The following MAGI2 variants were observed in gnomAD, a reference collection of about 807,000 sequenced individuals.
MAGI2 encodes membrane-associated guanylate kinase, WW and PDZ domain-containing protein 2.
Under a neutral mutation model 133.3 loss-of-function variants are expected in MAGI2, and 35 were observed. That is an observed-to-expected ratio of 0.26 (90% confidence interval 0.20 to 0.35). MAGI2 has a LOEUF of 0.35. MAGI2 is among the 10% of genes least tolerant of loss of function. The pLI is 1.00. For synonymous variants in MAGI2, 729 were observed against 710.6 expected, an observed-to-expected ratio of 1.03 and a Z score of -0.41; for missense variants, 1,636 against 1,863.4, an observed-to-expected ratio of 0.88 and a Z score of 2.25.
chr7:78,385,463 AT>A (rs1302564282), intron 6 of MAGI2, among the ~76,000 whole-genome samples: 1 of 152,192 alleles, frequency 6.6e-6, no homozygotes, highest in African/African-American at 2.4e-5. Context: ...ACATGAAAGG[AT>A]GACTATTTAG....
At chr7:78,476,832 C>T (rs538361658) in intron 6 of MAGI2, among the ~76,000 whole-genome samples, 2 of 151,596 alleles carry the variant, frequency 1.3e-5, no homozygotes, top group Admixed American at 6.6e-5. Context: ...GGTTAGGTCA[C>T]AATTATGCAC....
At chr7:78,202,543 T>C (rs1829344874) in intron 10 of MAGI2, among the ~76,000 whole-genome samples, 1 of 151,212 alleles carries the variant, frequency 6.6e-6, no homozygotes, top group Non-Finnish European at 1.5e-5. Context: ...ATTAGCCAGG[T>C]GTGGAGGCAT....
At chr7:78,894,611 T>C (rs1301658248) in intron 2 of MAGI2, among the ~76,000 whole-genome samples, 1 of 152,142 alleles carries the variant, frequency 6.6e-6, no homozygotes, top group Admixed American at 6.5e-5. Context: ...ATCATACTAA[T>C]GCAAATTTTT....
chr7:78,350,167 G>A (rs1791356588), intron 7 of MAGI2: 1 of 152,196 alleles, frequency 6.6e-6, no homozygotes, highest in African/African-American at 2.4e-5. Context: ...CAAATTAAAA[G>A]TGGCAAAGGA....
intron 6 of MAGI2, among the ~76,000 whole-genome samples, chr7:78,475,977 T>C (rs1332737017): frequency 6.6e-6 from 1 of 151,898 alleles, no homozygotes; most frequent in Non-Finnish European, 1.5e-5. Flanking sequence ...CCTCACATCA[T>C]TGTTAAACTC....
At position 78,030,921 on chromosome 7, in the gene MAGI2, G is replaced by A. The variant is rs185058455; in HGVS notation, c.3707-10945C>T. On this transcript the variant is annotated intron_variant, in intron 21 of 21. Coordinates refer to ENST00000354212, the MANE Select transcript of MAGI2 (RefSeq NM_012301.4). ...TGTGTTCACACAAAAACCTGTATGC[G>A]GATTTCTATGGTGACTTTATTCATA... is the stretch of plus-strand genomic sequence containing the variant. 2.5e-4 allele frequency among the ~76,000 whole-genome samples: 38 copies of A among 152,276 alleles called. 1 individual carries two copies. The highest frequency in any genetic ancestry group is 3.4e-3 in the Middle Eastern group (1 of 294).
chr7:79,309,856 C>T (rs1013461281), intron 1 of MAGI2, among the ~76,000 whole-genome samples: 6 of 150,732 alleles, frequency 4.0e-5, no homozygotes, highest in African/African-American at 7.3e-5. Flanking sequence ...TCAGGTCAGG[C>T]GCAGTGGCTC....
At chr7:78,996,535 A>G (rs1404123977) in intron 2 of MAGI2, among the ~76,000 whole-genome samples, 1 of 152,132 alleles carries the variant, frequency 6.6e-6, no homozygotes, top group Non-Finnish European at 1.5e-5. Flanking sequence ...GAGGGAGAGG[A>G]TCAGGAAAAG....
chr7:79,403,383 A>G (rs534517657), intron 1 of MAGI2, among the ~76,000 whole-genome samples: 2 of 152,268 alleles, frequency 1.3e-5, no homozygotes, highest in South Asian at 2.1e-4. Context: ...ATTTTCATAT[A>G]TAACATGTAA....
chr7:78,182,030 T>A (rs1050999757), intron 13 of MAGI2, among the ~76,000 whole-genome samples: 1 of 152,220 alleles, frequency 6.6e-6, no homozygotes, highest in Admixed American at 6.5e-5. Flanking sequence ...TATGGGATGC[T>A]GCTGTAAACA....
intron 2 of MAGI2, among the ~76,000 whole-genome samples, chr7:78,818,270 T>C (rs1789783083): frequency 6.6e-6 from 1 of 152,170 alleles, no homozygotes; most frequent in East Asian, 1.9e-4. Context: ...TTTGAAATTT[T>C]GTTTTAGAGA....
At chr7:79,317,426 A>G (rs1450958988) in intron 1 of MAGI2, among the ~76,000 whole-genome samples, 1 of 152,050 alleles carries the variant, frequency 6.6e-6, no homozygotes, top group African/African-American at 2.4e-5. Flanking sequence ...TGACTGTCCA[A>G]TAGAATACAC....
chr7:79,020,778 A>AAAAG (rs1554334522), intron 1 of MAGI2, among the ~76,000 whole-genome samples: 1 of 150,660 alleles, frequency 6.6e-6, no homozygotes, highest in Non-Finnish European at 1.5e-5. Flanking sequence ...AAAAAAAAAA[A>AAAAG]GGAAAGAAAA....
At chr7:78,876,414 A>G (rs1795430451) in intron 2 of MAGI2, among the ~76,000 whole-genome samples, 1 of 152,084 alleles carries the variant, frequency 6.6e-6, no homozygotes, top group South Asian at 2.1e-4. Flanking sequence ...GGTAGAAGAA[A>G]GACAAAATAA....
At chr7:78,088,582 C>T (rs934629969) in intron 20 of MAGI2, among the ~76,000 whole-genome samples, 4 of 152,164 alleles carry the variant, frequency 2.6e-5, no homozygotes, top group African/African-American at 9.7e-5. Flanking sequence ...GCTGTTACCA[C>T]CTCTAGTCTG....
In MAGI2 at chr7:78,159,777, TG is replaced by T. The variant is rs1824784377; in HGVS notation, c.2845+247del. 1.2e-5 allele frequency: 4 copies of T among 336,822 alleles called. No individual in the cohort carries two copies. In the South Asian group the frequency reaches 5.1e-4, roughly 43 times the overall value. 20.9% of individuals were successfully genotyped at this position (336,822 alleles called of 1,614,324 possible). On this transcript the variant is annotated intron_variant, in intron 16 of 21. Coordinates refer to ENST00000354212, the MANE Select transcript of MAGI2 (RefSeq NM_012301.4). ...CCTTTCTTCCTAATTTACAAATGAA[TG>T]AAGAGCTTTTATAGGGGTGGAGGAG...
chr7:78,964,555 G>A (rs1280187325), intron 2 of MAGI2, among the ~76,000 whole-genome samples: 1 of 151,986 alleles, frequency 6.6e-6, no homozygotes, highest in African/African-American at 2.4e-5. Context: ...AAGAATTTTT[G>A]AGAGATGGAA....
At chr7:78,953,684 G>A (rs1802055948) in intron 2 of MAGI2, among the ~76,000 whole-genome samples, 1 of 151,990 alleles carries the variant, frequency 6.6e-6, no homozygotes, top group Non-Finnish European at 1.5e-5. Context: ...ATCATGAATG[G>A]TGTAAGATAT....
chr7:79,351,953 T>A (rs1841721358), intron 1 of MAGI2: 1 of 152,212 alleles, frequency 6.6e-6, no homozygotes, highest in South Asian at 2.1e-4. Context: ...AATTCATTTA[T>A]TTAAATCAAA....
Sources: gnomAD v4.1 joint callset for allele counts (sites outside exome capture counted in the v4.1 genomes callset) on GRCh38, gnomAD v4.1.1 for gene constraint, MANE v1.5 for transcripts, NCBI Gene and HGNC (gene_info 2026-07-23, HGNC 2026-07-21) for gene names.